The following GABRB1 variants were observed in gnomAD, a reference collection of about 807,000 sequenced individuals.
GABRB1 encodes the protein gamma-aminobutyric acid receptor subunit beta-1.
GABRB1 carries 17 observed loss-of-function variants against 51.6 expected under a neutral mutation model. The observed-to-expected ratio is 0.33, with a 90% CI of 0.23 to 0.49. The LOEUF (loss-of-function observed/expected upper bound fraction) is 0.49. Ranked by LOEUF, GABRB1 falls within the 20% of genes least tolerant of loss-of-function variation. GABRB1 has a pLI of 0.99. For missense variants in GABRB1, 410 were observed against 600.6 expected (o/e 0.68, Z 3.32); for synonymous variants, 247 against 218.9 (o/e 1.13, Z -1.14).
intron 8 of GABRB1, among the ~76,000 whole-genome samples, chr4:47,410,474 C>T (rs1358900100): frequency 2.6e-5 from 4 of 152,112 alleles, no homozygotes; most frequent in African/African-American, 7.2e-5. Context: ...AAGCCATGTC[C>T]CAGACTGAGG....
chr4:47,171,946 C>T (rs144966275), intron 4 of GABRB1, among the ~76,000 whole-genome samples: 139 of 152,172 alleles, frequency 9.1e-4, no homozygotes, highest in African/African-American at 3.2e-3. Flanking sequence ...AATTCAACTT[C>T]TATTTTATGT....
Position 46,994,514 on chromosome 4 carries a change from CAGAG to C in GABRB1, c.-20+607_-20+610del, listed in dbSNP as rs139375755. On this transcript the variant is annotated intron_variant, in intron 1 of 3. Transcript: ENST00000513567. ...AGAGAGAGAGAGAGACAGAGAGAGA[CAGAG>C]AGAGAGAGAGAGAGAGAGGCAGAAG... 6.8e-4 allele frequency: 82 copies of C among 120,884 alleles called. No homozygotes were observed. The East Asian group carries it at 0.01, about 15-fold the overall frequency. The allele number at this position is 120,884 out of a possible 1,614,324, so 7.5% of individuals were successfully genotyped here.
intron 4 of GABRB1, among the ~76,000 whole-genome samples, chr4:47,295,331 A>G (rs146522952): frequency 0.043 from 6,547 of 152,280 alleles, 361 homozygotes; most frequent in East Asian, 0.28. Flanking sequence ...GGAAATTCAA[A>G]CAAAAGGCAA....
chr4:47,164,174 A>T (rs1308265504), intron 4 of GABRB1, among the ~76,000 whole-genome samples: 2 of 151,968 alleles, frequency 1.3e-5, no homozygotes, highest in East Asian at 1.9e-4. Flanking sequence ...ACACCTGGGG[A>T]TTACAATTTG....
intron 4 of GABRB1, among the ~76,000 whole-genome samples, chr4:47,234,380 A>G (rs1209562833): frequency 2.0e-5 from 3 of 151,900 alleles, no homozygotes; most frequent in South Asian, 2.1e-4. Context: ...CCAGCTACTC[A>G]GGAGGCTGAG....
At chr4:47,165,699 G>A (rs148694406) in intron 4 of GABRB1, among the ~76,000 whole-genome samples, 21 of 152,154 alleles carry the variant, frequency 1.4e-4, no homozygotes, top group African/African-American at 5.1e-4. Flanking sequence ...GAGTTTAACA[G>A]CTTTAAATAT....
At chr4:47,400,921 CTTTTT>C (rs71195629) in intron 5 of GABRB1, among the ~76,000 whole-genome samples, 15 of 98,566 alleles carry the variant, frequency 1.5e-4, no homozygotes, top group Admixed American at 5.1e-4. Flanking sequence ...TTGTTCTTCT[CTTTTT>C]TTTTTTTTTT....
At chr4:47,032,878 G>A (rs1420681315) in intron 3 of GABRB1, 1 of 391,950 alleles carries the variant, frequency 2.6e-6, no homozygotes. Flanking sequence ...CACCTCCCCA[G>A]GCGCGGTGCT....
intron 4 of GABRB1, among the ~76,000 whole-genome samples, chr4:47,241,336 C>A (rs556573175): frequency 6.6e-6 from 1 of 152,042 alleles, no homozygotes; most frequent in African/African-American, 2.4e-5. Flanking sequence ...TCCCCCTACC[C>A]CCTTACAGTA....
chr4:47,241,953 T>A (rs1721540142), intron 4 of GABRB1, among the ~76,000 whole-genome samples: 1 of 152,166 alleles, frequency 6.6e-6, no homozygotes, highest in African/African-American at 2.4e-5. Flanking sequence ...TTGTTACATA[T>A]GTATACATGT....
chr4:47,065,736 TTAAGGCTAAAAAAA>T (rs1266664402), intron 3 of GABRB1, among the ~76,000 whole-genome samples: 32 of 152,240 alleles, frequency 2.1e-4, no homozygotes, highest in African/African-American at 7.2e-4. Flanking sequence ...TTTCATGTCC[TTAAGGCTAAAAAAA>T]TAGGGATGAA....
Position 47,350,090 on chromosome 4 carries a change from G to A in GABRB1, c.544+29881G>A, listed in dbSNP as rs540882962. ...ACTGCAATATGCTTTATTGGTCTCA[G>A]ATAAATTAATATTTGAAAAAATATA... On this transcript the variant is annotated intron_variant, in intron 5 of 8. Coordinates refer to ENST00000295454, the MANE Select transcript of GABRB1 (RefSeq NM_000812.4). Among the ~76,000 whole-genome samples, 402 of 150,418 alleles carry A rather than the reference G, an allele frequency of 2.7e-3. 4 individuals are homozygous for A. Among genetic ancestry groups the A allele is most frequent in the Non-Finnish European group, 8.4e-4 (57 of 67,714 alleles).
chr4:47,425,801 A>C lies in GABRB1; in HGVS notation c.1208A>C (p.Gln403Pro). 1 of 1,614,160 alleles carries C rather than the reference A, an allele frequency of 6.2e-7. No individual in the cohort carries two copies. The highest frequency in any genetic ancestry group is 8.5e-7 in the Non-Finnish European group (1 of 1,180,014). Residue 403 changes from glutamine (Q) to proline (P), a missense_variant, in exon 9 of 9, where the codon CAG becomes CCG. By Grantham distance (76) the Gln-to-Pro change is moderately conservative. Around this residue, in one of 5 missense-constraint regions of GABRB1, gnomAD observed 181 missense variants for 195.6 expected, o/e 0.93. Transcript: ENST00000295454. ...TMYSYDSASI[Q>P]YRKPLSSREA... ...TACTCCTATGACAGCGCCAGCATCC[A>C]GTACCGCAAGCCCCTGAGCAGCCGC...
At chr4:47,082,252 T>A (rs1480057261) in intron 3 of GABRB1, among the ~76,000 whole-genome samples, 1 of 152,026 alleles carries the variant, frequency 6.6e-6, no homozygotes, top group Non-Finnish European at 1.5e-5. Context: ...TTTATATCAC[T>A]GTTATAAATG....
chr4:47,296,909 C>G (rs1356642959), intron 4 of GABRB1, among the ~76,000 whole-genome samples: 1 of 152,198 alleles, frequency 6.6e-6, no homozygotes, highest in East Asian at 1.9e-4. Context: ...AACAAACTGT[C>G]TCTCAGAGCA....
intron 4 of GABRB1, among the ~76,000 whole-genome samples, chr4:47,175,709 G>A (rs769382985): frequency 3.3e-5 from 5 of 152,242 alleles, no homozygotes; most frequent in South Asian, 2.1e-4. Context: ...AAATATGTGT[G>A]CAGTATTATG....
intron 5 of GABRB1, among the ~76,000 whole-genome samples, chr4:47,361,775 G>C (rs1726814501): frequency 6.6e-6 from 1 of 152,244 alleles, no homozygotes; most frequent in Non-Finnish European, 1.5e-5. Context: ...TTTCTGAATG[G>C]TGCAACTTTG....
At chr4:47,222,065 C>G (rs866960799) in intron 4 of GABRB1, among the ~76,000 whole-genome samples, 1 of 152,048 alleles carries the variant, frequency 6.6e-6, no homozygotes. Flanking sequence ...AAACATAGCA[C>G]TAAATATACA....
intron 5 of GABRB1, among the ~76,000 whole-genome samples, chr4:47,343,177 C>G (rs1266541343): frequency 6.6e-6 from 1 of 151,674 alleles, no homozygotes; most frequent in Non-Finnish European, 1.5e-5. Context: ...CTGGGTCAAG[C>G]AGAAAACAGA....
Sources: allele counts gnomAD v4.1 joint callset (sites outside exome capture counted in the v4.1 genomes callset), GRCh38; gene constraint gnomAD v4.1.1; regional missense constraint gnomAD v4.1.1; transcripts MANE v1.5; gene names NCBI Gene and HGNC (gene_info 2026-07-23, HGNC 2026-07-21).